Variants in PTPRK observed in about 807,000 individuals in gnomAD.
PTPRK encodes receptor-type tyrosine-protein phosphatase kappa.
A neutral mutation model predicts 178.0 loss-of-function variants in PTPRK; 75 were observed. That is an observed-to-expected ratio of 0.42 (90% confidence interval 0.35 to 0.51). PTPRK has a LOEUF of 0.51. Ranked by LOEUF, PTPRK falls within the 20% of genes least tolerant of loss-of-function variation. PTPRK has a pLI of 0.02. For missense variants in PTPRK, 1,441 were observed against 1,797.8 expected (o/e 0.80, Z 3.59); for synonymous variants, 637 against 620.6 (o/e 1.03, Z -0.39).
At chr6:128,084,097 C>A (rs1293245014) in intron 8 of PTPRK, among the ~76,000 whole-genome samples, 1 of 152,036 alleles carries the variant, frequency 6.6e-6, no homozygotes, top group Non-Finnish European at 1.5e-5. Flanking sequence ...TAGAGAGATG[C>A]ATAAATTATG....
chr6:128,199,032 T>C (rs1805428291), intron 6 of PTPRK, among the ~76,000 whole-genome samples: 2 of 152,196 alleles, frequency 1.3e-5, no homozygotes, highest in African/African-American at 2.4e-5. Context: ...GTATAAATTA[T>C]ATGAGAAATT....
chr6:128,370,880 A>G (rs1025151603), intron 2 of PTPRK, among the ~76,000 whole-genome samples: 28 of 152,302 alleles, frequency 1.8e-4, no homozygotes, highest in African/African-American at 5.8e-4. Context: ...CAATAGCACC[A>G]ACACTACTAA....
chr6:128,133,707 T>G (rs905101616), intron 7 of PTPRK, among the ~76,000 whole-genome samples: 1 of 150,854 alleles, frequency 6.6e-6, no homozygotes, highest in African/African-American at 2.4e-5. Flanking sequence ...AAATAATAAC[T>G]AAAGAAAGGC....
intron 7 of PTPRK, among the ~76,000 whole-genome samples, chr6:128,106,375 C>T (rs1334103288): frequency 2.6e-5 from 4 of 152,008 alleles, no homozygotes; most frequent in African/African-American, 9.7e-5. Flanking sequence ...CTTCTACTCC[C>T]TCTGTAGAAA....
At chr6:128,024,020 T>C (rs986744368) in intron 13 of PTPRK, among the ~76,000 whole-genome samples, 9 of 152,112 alleles carry the variant, frequency 5.9e-5, no homozygotes, top group African/African-American at 1.2e-4. Context: ...AATCAGATAA[T>C]TCACAAATTT....
intron 1 of PTPRK, among the ~76,000 whole-genome samples, chr6:128,408,985 A>C: frequency 6.6e-6 from 1 of 152,316 alleles, no homozygotes; most frequent in South Asian, 2.1e-4. Context: ...TGACAGAATA[A>C]AAAGATCCAA....
At chr6:128,222,677 T>C (rs1054821494) in intron 5 of PTPRK, among the ~76,000 whole-genome samples, 6 of 152,180 alleles carry the variant, frequency 3.9e-5, no homozygotes, top group Admixed American at 6.5e-5. Flanking sequence ...GACCCTTATC[T>C]TTACAGGAGT....
intron 2 of PTPRK, among the ~76,000 whole-genome samples, chr6:128,348,408 T>G (rs1832696848): frequency 6.6e-6 from 1 of 152,000 alleles, no homozygotes; most frequent in Non-Finnish European, 1.5e-5. Flanking sequence ...AATAAAATGG[T>G]TGTTAGATAT....
intron 7 of PTPRK, among the ~76,000 whole-genome samples, chr6:128,121,338 C>G (rs1190073601): frequency 6.6e-6 from 1 of 151,818 alleles, no homozygotes; most frequent in Non-Finnish European, 1.5e-5. Context: ...CAGATAGCTG[C>G]AAGTGATACA....
At chr6:128,437,812 G>T (rs1845785677) in intron 1 of PTPRK, among the ~76,000 whole-genome samples, 1 of 152,076 alleles carries the variant, frequency 6.6e-6, no homozygotes, top group African/African-American at 2.4e-5. Context: ...TGGGCTATGA[G>T]GAGTGTGAAT....
At chr6:128,336,917 T>C (rs749542957) in intron 2 of PTPRK, among the ~76,000 whole-genome samples, 23 of 152,140 alleles carry the variant, frequency 1.5e-4, no homozygotes, top group Non-Finnish European at 2.5e-4. Flanking sequence ...GTAAGAATCA[T>C]ACATTCCATC....
intron 1 of PTPRK, among the ~76,000 whole-genome samples, chr6:128,482,913 G>C (rs1339128303): frequency 1.3e-5 from 2 of 152,162 alleles, no homozygotes; most frequent in African/African-American, 4.8e-5. Flanking sequence ...TCAGAGCACG[G>C]AACCAGGTGG....
chr6:128,011,546 G>A (rs1232740061), intron 13 of PTPRK, among the ~76,000 whole-genome samples: 8 of 151,086 alleles, frequency 5.3e-5, no homozygotes. Context: ...AGCAGATAAT[G>A]TATATGGGTA....
intron 1 of PTPRK, among the ~76,000 whole-genome samples, chr6:128,402,631 C>T (rs1159114746): frequency 1.3e-5 from 2 of 152,084 alleles, no homozygotes; most frequent in Non-Finnish European, 1.5e-5. Context: ...TTCCTTTTAA[C>T]GCTACACTTC....
chr6:127,992,545 G>A (rs1776726423), intron 19 of PTPRK, 128 bp downstream of exon 19: 7 of 666,408 alleles, frequency 1.1e-5, no homozygotes, highest in South Asian at 1.9e-5. Context: ...AATGAGTAAG[G>A]AGCAGTGTTA....
At chr6:128,135,658 T>A (rs961762818) in intron 7 of PTPRK, among the ~76,000 whole-genome samples, 1 of 152,128 alleles carries the variant, frequency 6.6e-6, no homozygotes, top group Admixed American at 6.5e-5. Context: ...CTTAGCTAAA[T>A]CCTGCACTAG....
intron 25 of PTPRK, among the ~76,000 whole-genome samples, chr6:127,979,149 C>T (rs1375856970): frequency 6.6e-6 from 1 of 152,090 alleles, no homozygotes; most frequent in Non-Finnish European, 1.5e-5. Context: ...TGATGGCATA[C>T]ACCTTAGTTC....
At chr6:128,386,221 G>A (rs898735456) in intron 2 of PTPRK, among the ~76,000 whole-genome samples, 4 of 151,742 alleles carry the variant, frequency 2.6e-5, no homozygotes, top group African/African-American at 7.3e-5. Flanking sequence ...ACTAAGAATC[G>A]GCCTTTTCTT....
chr6:128,014,647 A>G (rs1779403728), intron 13 of PTPRK, among the ~76,000 whole-genome samples: 1 of 151,598 alleles, frequency 6.6e-6, no homozygotes, highest in Admixed American at 6.6e-5. Flanking sequence ...TATGAATAGG[A>G]AAAATGAAAT....
Sources: allele counts gnomAD v4.1 joint callset (sites outside exome capture counted in the v4.1 genomes callset), GRCh38; gene constraint gnomAD v4.1.1; transcripts MANE v1.5; gene names NCBI Gene and HGNC (gene_info 2026-07-23, HGNC 2026-07-21).